Variants in PCSK5 observed in about 807,000 individuals in gnomAD.
PCSK5 encodes prohormone convertase 5.
PCSK5 carries 129 observed loss-of-function variants against 233.2 expected under a neutral mutation model. The ratio of observed to expected loss-of-function variants is 0.55; its 90% CI spans 0.48 to 0.64. The LOEUF is 0.64. Among genes scored for constraint, PCSK5 ranks in the 30% least tolerant of loss-of-function variants. The probability of loss-of-function intolerance (pLI) is 0.00; values close to 1 mark genes in which losing one functional copy is unlikely to be tolerated. For missense variants in PCSK5, 2,076 were observed against 2,430.1 expected, an observed-to-expected ratio of 0.85 and a Z score of 3.06; for synonymous variants, 825 against 879.2, an observed-to-expected ratio of 0.94 and a Z score of 1.09.
intron 24 of PCSK5, among the ~76,000 whole-genome samples, chr9:76,259,049 G>C (rs1310318394): frequency 6.6e-6 from 1 of 152,156 alleles, no homozygotes; most frequent in African/African-American, 2.4e-5. Flanking sequence ...CTCATATGAT[G>C]GCGCATGATG....
chr9:76,183,177 A>G (rs1823948767), intron 16 of PCSK5, among the ~76,000 whole-genome samples: 1 of 152,230 alleles, frequency 6.6e-6, no homozygotes, highest in Admixed American at 6.5e-5. Context: ...AAGAAATTTG[A>G]TTCTGGAATG....
intron 2 of PCSK5, among the ~76,000 whole-genome samples, chr9:75,942,387 A>G (rs957708544): frequency 6.6e-6 from 1 of 152,222 alleles, no homozygotes; most frequent in African/African-American, 2.4e-5. Flanking sequence ...GGCGTAAATG[A>G]CAGATCTCAT....
chr9:76,157,214 C>A, intron 11 of PCSK5, 52 bp downstream of exon 11: 2 of 1,187,016 alleles, frequency 1.7e-6, no homozygotes, highest in Non-Finnish European at 2.5e-6. Context: ...ATAGAGCAAG[C>A]CAGTCAATTG....
chr9:76,226,769 C>G (rs1476407355), intron 20 of PCSK5, among the ~76,000 whole-genome samples: 1 of 152,106 alleles, frequency 6.6e-6, no homozygotes, highest in Non-Finnish European at 1.5e-5. Flanking sequence ...AGTAGAGGCC[C>G]ATCTTTGAGT....
At chr9:75,986,968 C>T (rs573936497) in intron 3 of PCSK5, among the ~76,000 whole-genome samples, 1 of 152,264 alleles carries the variant, frequency 6.6e-6, no homozygotes, top group South Asian at 2.1e-4. Context: ...CACATGTCAC[C>T]AATTTGCTCT....
intron 9 of PCSK5, among the ~76,000 whole-genome samples, chr9:76,120,696 G>T (rs1430592938): frequency 6.7e-6 from 1 of 149,616 alleles, no homozygotes; most frequent in African/African-American, 2.5e-5. Flanking sequence ...TTTTTTTCCA[G>T]AATATATTCA....
At chr9:76,323,971 G>T (rs1829287379) in intron 32 of PCSK5, among the ~76,000 whole-genome samples, 1 of 142,446 alleles carries the variant, frequency 7.0e-6, no homozygotes, top group Non-Finnish European at 1.5e-5. Flanking sequence ...CACTCTGTTG[G>T]CTAGAGTGCG....
rs1445968386 is a variant in PCSK5 at position 76,039,328 on chromosome 9, T to C, written c.632+12291T>C. ...TTCTTTATATCTGTGATATCACTTT[T>C]CCCCCCTTGTCTTTGGTTAGGGAGA... is the stretch of plus-strand genomic sequence containing the variant. On this transcript the variant is annotated intron_variant, in intron 5 of 37. Transcript: ENST00000674117. Among the ~76,000 whole-genome samples the C allele has an allele frequency of 2.6e-5, 4 of 152,152 alleles. No individual in the cohort carries two copies. The East Asian group carries it at 7.7e-4, about 29-fold the overall frequency.
At chr9:76,293,019 G>A (rs897752577) in intron 25 of PCSK5, among the ~76,000 whole-genome samples, 6 of 152,316 alleles carry the variant, frequency 3.9e-5, no homozygotes, top group East Asian at 1.9e-4. Context: ...AGACACAGGA[G>A]GATGTTAATC....
At chr9:75,968,008 C>T (rs1310222666) in intron 2 of PCSK5, among the ~76,000 whole-genome samples, 2 of 152,272 alleles carry the variant, frequency 1.3e-5, no homozygotes, top group African/African-American at 2.4e-5. Context: ...GTGATCCGCC[C>T]GCCTGGGCCT....
intron 3 of PCSK5, among the ~76,000 whole-genome samples, chr9:76,010,327 A>G (rs1410102873): frequency 6.6e-6 from 1 of 152,222 alleles, no homozygotes; most frequent in Non-Finnish European, 1.5e-5. Context: ...TGCAGCTAAA[A>G]ACATTCCAAA....
chr9:76,253,527 A>G (rs1316456254), intron 24 of PCSK5, among the ~76,000 whole-genome samples: 1 of 152,194 alleles, frequency 6.6e-6, no homozygotes, highest in African/African-American at 2.4e-5. Context: ...GACATTGTGC[A>G]GTTTCATTGT....
chr9:76,102,649 A>G (rs1272032141), intron 8 of PCSK5, among the ~76,000 whole-genome samples: 1 of 152,176 alleles, frequency 6.6e-6, no homozygotes, highest in East Asian at 1.9e-4. Context: ...TATTTTGGGT[A>G]AGGGATACGC....
chr9:75,995,982 G>A (rs1398337920), intron 3 of PCSK5, among the ~76,000 whole-genome samples: 1 of 151,894 alleles, frequency 6.6e-6, no homozygotes, highest in Admixed American at 6.6e-5. Flanking sequence ...TCATTTCCTT[G>A]ATGAGTTTAG....
intron 5 of PCSK5, among the ~76,000 whole-genome samples, chr9:76,037,431 A>G (rs1254814787): frequency 2.6e-5 from 4 of 152,190 alleles, no homozygotes; most frequent in Non-Finnish European, 5.9e-5. Context: ...TTTGGAGACT[A>G]TATAAAAGTA....
intron 33 of PCSK5, among the ~76,000 whole-genome samples, chr9:76,329,307 T>C (rs1345539260): frequency 6.6e-6 from 1 of 151,758 alleles, no homozygotes; most frequent in African/African-American, 2.4e-5. Flanking sequence ...TGCCTGGCCC[T>C]TCCATGTCAT....
chr9:76,154,675 A>G (rs1823812009), intron 10 of PCSK5, among the ~76,000 whole-genome samples: 1 of 152,202 alleles, frequency 6.6e-6, no homozygotes, highest in South Asian at 2.1e-4. Flanking sequence ...GGTATATTTA[A>G]GGACTGATCG....
At chr9:76,282,819 C>A (rs1603199) in intron 24 of PCSK5, among the ~76,000 whole-genome samples, 116,807 of 152,100 alleles carry the variant, frequency 0.77, 47,481 homozygotes, top group East Asian at 0.9. Context: ...TCTTCATGTC[C>A]ATGGGATTCA....
intron 7 of PCSK5, among the ~76,000 whole-genome samples, chr9:76,093,496 T>A (rs1361461662): frequency 2.0e-5 from 3 of 152,188 alleles, no homozygotes; most frequent in Non-Finnish European, 4.4e-5. Context: ...TATTAAATAT[T>A]CTTTAAAATC....
Sources: gnomAD v4.1 joint callset for allele counts (sites outside exome capture counted in the v4.1 genomes callset) on GRCh38, gnomAD v4.1.1 for gene constraint, MANE v1.5 for transcripts, NCBI Gene and HGNC (gene_info 2026-07-23, HGNC 2026-07-21) for gene names.